MAN2A2: variants seen among roughly 807,000 people sequenced by gnomAD.
MAN2A2 encodes alpha-mannosidase 2x.
MAN2A2 carries 79 observed loss-of-function variants against 126.8 expected under a neutral mutation model. The observed-to-expected ratio is 0.62, with a 90% CI of 0.52 to 0.75. MAN2A2 has a LOEUF of 0.75. Ranked by LOEUF, MAN2A2 falls within the 30% of genes least tolerant of loss-of-function variation. The pLI, the probability that MAN2A2 is intolerant of heterozygous loss-of-function variation, is 0.00. For synonymous variants in MAN2A2, 671 were observed against 618.7 expected, an observed-to-expected ratio of 1.08 and a Z score of -1.25; for missense variants, 1,392 against 1,522.4, an observed-to-expected ratio of 0.91 and a Z score of 1.43.
Position 90,914,929 on chromosome 15 carries a change from A to G in MAN2A2, c.2860+1174A>G, listed in dbSNP as rs916400487. Among the ~76,000 whole-genome samples, 4 of 152,350 alleles carry G rather than the reference A, an allele frequency of 2.6e-5. No individual in the cohort carries two copies. In the South Asian group the frequency reaches 8.3e-4, roughly 32 times the overall value. ...GTGTGGCCCCCATATCCTCAGGGCA[A>G]AACGAACAGTTTGCACTTGGTGGCA... On this transcript the variant is annotated intron_variant, in intron 19 of 22. Transcript: ENST00000559717.
rs767118742 is a variant in MAN2A2, at chr15:90,911,451, TC to T, written c.2014del (p.Arg672AlafsTer242). On this transcript the variant is annotated frameshift_variant, in exon 14 of 23. Transcript: ENST00000559717. LOFTEE classifies it high-confidence loss of function. Reference sequence around the variant, plus strand: ...GCATGGTGTCCCTGCTGGTCAACTCTCCCCGCGTGCGTGTCCTTTCGGAGGA... The same window carrying T: ...GCATGGTGTCCCTGCTGGTCAACTCTCCCGCGTGCGTGTCCTTTCGGAGGA... ...FSMVSLLVNS[P>X]RVRVLSEEGQ... The T allele has an allele frequency of 6.2e-7, 1 of 1,614,168 alleles. No homozygotes were observed. The highest frequency in any genetic ancestry group is 1.1e-5 in the South Asian group (1 of 91,084).
At chr15:90,911,762 T>C in intron 14 of MAN2A2, 1 of 621,588 alleles carries the variant, frequency 1.6e-6, no homozygotes, top group Non-Finnish European at 2.8e-6. Flanking sequence ...ATGGTAATAG[T>C]AATGGTAAAA....
chr15:90,906,877 A>T lies in MAN2A2; in HGVS notation c.973A>T (p.Thr325Ser). The T allele has an allele frequency of 6.2e-7, 1 of 1,614,008 alleles. No individual in the cohort carries two copies. The highest frequency in any genetic ancestry group is 8.5e-7 in the Non-Finnish European group (1 of 1,179,980). ...TGCCATCAAGAAGCACTTTGCTGCC[A>T]CCCACAGCCTAGAGTTCATGTGGAG... ...HYAIKKHFAATHSLEFMWRQT... is the reference protein window; with the variant it reads ...HYAIKKHFAASHSLEFMWRQT... The change falls in exon 7 of 23, where the codon ACC becomes TCC. Residue 325 changes from threonine to serine, a missense_variant. Thr to Ser is a moderately conservative substitution (Grantham distance 58). Coordinates refer to ENST00000559717, the MANE Select transcript of MAN2A2 (RefSeq NM_006122.4).
intron 20 of MAN2A2, chr15:90,917,932 A>G (rs2035312101): frequency 4.4e-6 from 2 of 455,404 alleles, no homozygotes; most frequent in Non-Finnish European, 8.0e-6. Context: ...TGGGTTGCTC[A>G]TGATAGTGTT....
Position 90,910,921 on chromosome 15 carries a change from A to G in MAN2A2, c.1835A>G (p.Glu612Gly), listed in dbSNP as rs1160349320. Reference sequence around the variant, plus strand: ...CACTATCTGGTGCTGGGGGACAAGGAGACCTACCACTTTGACCCTGAGGCG... The same window carrying G: ...CACTATCTGGTGCTGGGGGACAAGGGGACCTACCACTTTGACCCTGAGGCG... ...AAHYLVLGDK[E>G]TYHFDPEAPF... The change falls in exon 12 of 23, where the codon GAG becomes GGG. Residue 612 changes from glutamate to glycine, a missense_variant. Glu to Gly is a moderately conservative substitution (Grantham distance 98). Coordinates refer to ENST00000559717, the MANE Select transcript of MAN2A2 (RefSeq NM_006122.4). 1 of 1,614,148 alleles carries G rather than the reference A, an allele frequency of 6.2e-7. No homozygotes were observed. Among genetic ancestry groups the G allele is most frequent in the Admixed American group, 1.7e-5 (1 of 60,020 alleles).
chr15:90,919,612 T>C (rs2035445952), intron 22 of MAN2A2, 23 bp from the exon 23 acceptor site: 3 of 1,613,038 alleles, frequency 1.9e-6, no homozygotes, highest in Non-Finnish European at 1.7e-6. Context: ...AGCACAACCC[T>C]GCCCCTTCTC....
chr15:90,908,325 CA>C (rs991299635), intron 8 of MAN2A2, among the ~76,000 whole-genome samples: 17 of 152,278 alleles, frequency 1.1e-4, no homozygotes, highest in African/African-American at 3.6e-4. Flanking sequence ...CTCATGAGAA[CA>C]GAGTAGAAAA....
At chr15:90,904,144 C>T (rs1235029954) in intron 1 of MAN2A2, 46 bp from the exon 2 acceptor site, 4 of 1,608,562 alleles carry the variant, frequency 2.5e-6, no homozygotes, top group Non-Finnish European at 3.4e-6. Flanking sequence ...AAGACTGCCA[C>T]GGGCATTTTG....
At position 90,907,621 on chromosome 15, in the gene MAN2A2, C is replaced by T. The variant is rs540909108; in HGVS notation, c.1196+126C>T. The T allele has an allele frequency of 4.8e-6, 4 of 834,944 alleles. No individual in the cohort carries two copies. The East Asian group carries it at 1.1e-4, about 22-fold the overall frequency. The allele number at this position is 834,944 out of a possible 1,614,324, so 51.7% of individuals were successfully genotyped here. On this transcript the variant is annotated intron_variant, in intron 8 of 22. Transcript: ENST00000559717. ...CTCCTAGCCTCTGCAGCAGCAGCTC[C>T]TTACTAAGTCTCCTGAAAAACTGGA...
rs915805126 is a variant in MAN2A2, at chr15:90,905,397, G to C, written c.279G>C (p.Thr93=). Residue 93 remains threonine (T), a synonymous_variant, in exon 3 of 23, where the codon ACG becomes ACC. Transcript: ENST00000559717. ...EGPPAMLPYY[T]VNGSWVVPPE... Reference sequence around the variant, plus strand: ...CGCCCGCCATGCTGCCCTACTACACGGTCAATGGCTCCTGGGTGGTGCCAC... The same window carrying C: ...CGCCCGCCATGCTGCCCTACTACACCGTCAATGGCTCCTGGGTGGTGCCAC... The C allele has an allele frequency of 1.2e-6, 2 of 1,613,764 alleles. No individual in the cohort carries two copies. The highest frequency in any genetic ancestry group is 1.7e-6 in the Non-Finnish European group (2 of 1,180,034).
rs959429536 is a variant in MAN2A2, at chr15:90,922,107, C to G, written c.*2320C>G. ...AGCAGATTTCGCAACCAAAAAATATCGAAAGTCTCTGTGTGATGGAAAACA... is the reference window on the plus strand; with the variant it reads ...AGCAGATTTCGCAACCAAAAAATATGGAAAGTCTCTGTGTGATGGAAAACA... On this transcript the variant is annotated 3_prime_UTR_variant, in exon 23 of 23. Coordinates refer to ENST00000559717, the MANE Select transcript of MAN2A2 (RefSeq NM_006122.4). 6.6e-6 allele frequency: 1 copy of G among 152,068 alleles called. No homozygotes were observed. The highest frequency in any genetic ancestry group is 2.4e-5 in the African/African-American group (1 of 41,400). The allele number at this position is 152,068 out of a possible 1,614,324, so 9.4% of individuals were successfully genotyped here.
At chr15:90,908,270 T>A (rs998810826) in intron 8 of MAN2A2, among the ~76,000 whole-genome samples, 1 of 152,202 alleles carries the variant, frequency 6.6e-6, no homozygotes, top group Non-Finnish European at 1.5e-5. Flanking sequence ...TTTGAAAGGC[T>A]TACTAGACTG....
rs2034962079 is a variant in MAN2A2 at position 90,913,766 on chromosome 15, C to T, written c.2860+11C>T. The stretch of plus-strand genomic sequence containing the variant: ...CTAGCCTCAAAGATGGTGAGTAGGG[C>T]CCAGGAGTTCTGCAGAGGGTATCAG... On this transcript the variant is annotated intron_variant, in intron 19 of 22. Coordinates refer to ENST00000559717, the MANE Select transcript of MAN2A2 (RefSeq NM_006122.4). 2.5e-6 allele frequency: 4 copies of T among 1,581,920 alleles called. No individual in the cohort carries two copies. Among genetic ancestry groups the T allele is most frequent in the Non-Finnish European group, 3.4e-6 (4 of 1,162,890 alleles).
chr15:90,903,813 A>G (rs2034028652), intron 1 of MAN2A2: 1 of 330,480 alleles, frequency 3.0e-6, no homozygotes, highest in Non-Finnish European at 5.9e-6. Flanking sequence ...AAACTTTTAA[A>G]TCAAACAAAA....
chr15:90,919,995 G>C lies in MAN2A2; in HGVS notation c.*208G>C. On this transcript the variant is annotated 3_prime_UTR_variant, in exon 23 of 23. Transcript: ENST00000559717. The stretch of plus-strand genomic sequence containing the variant: ...TGATGGGTAAATAGGGCAGACGCCA[G>C]TGAGATCAGGGAGAGAAGGCCCTTG... The C allele has an allele frequency of 1.7e-6, 1 of 584,818 alleles. No homozygotes were observed. The highest frequency in any genetic ancestry group is 3.0e-5 in the East Asian group (1 of 33,116). 36.2% of individuals were successfully genotyped at this position (584,818 alleles called of 1,614,324 possible).
intron 9 of MAN2A2, 145 bp from the exon 10 acceptor site, chr15:90,909,945 T>G (rs2034594438): frequency 1.4e-6 from 1 of 708,588 alleles, no homozygotes; most frequent in Admixed American, 2.8e-5. Flanking sequence ...CAGGCTCCCC[T>G]ACTTCTGTTA....
Position 90,905,485 on chromosome 15 carries a change from C to G in MAN2A2, c.367C>G (p.Arg123Gly). 1 of 1,613,974 alleles carries G rather than the reference C, an allele frequency of 6.2e-7. No homozygotes were observed. ...GGACTGCCAGTTTGCTTTGGGGGGC[C>G]GGGGTCAGAAGCCAGAGCTGCAGGT... ...PQDCQFALGGRGQKPELQMLT... is the reference protein window; with the variant it reads ...PQDCQFALGGGGQKPELQMLT... The change falls in exon 3 of 23, where the codon CGG becomes GGG. Residue 123 changes from arginine to glycine, a missense_variant. Physicochemically the swap from Arg to Gly is moderately radical, Grantham distance 125 (BLOSUM62 -2). Transcript: ENST00000559717.
chr15:90,916,755 A>G (rs965789442), intron 20 of MAN2A2: 2 of 928,976 alleles, frequency 2.2e-6, no homozygotes, highest in Non-Finnish European at 3.0e-6. Context: ...TCACTCGTGC[A>G]TCAGATAGAT....
In MAN2A2 at chr15:90,918,316, C is replaced by T. The variant is rs1302554583; in HGVS notation, c.3117C>T (p.Arg1039=). The T allele has an allele frequency of 6.2e-7, 1 of 1,614,226 alleles. No individual in the cohort carries two copies. The highest frequency in any genetic ancestry group is 8.5e-7 in the Non-Finnish European group (1 of 1,180,030). The change falls in exon 21 of 23, where the codon CGC becomes CGT. Residue 1039 remains arginine (R), a synonymous_variant. Coordinates refer to ENST00000559717, the MANE Select transcript of MAN2A2 (RefSeq NM_006122.4). ...TGCAGCTCCCAGGCCCTGGTCTGCG[C>T]TCATTTCATCCTCTGGCTTCCTCAC... ...ARMQLPGPGL[R]SFHPLASSLP...
Sources: gnomAD v4.1 joint callset for allele counts (sites outside exome capture counted in the v4.1 genomes callset) on GRCh38, gnomAD v4.1.1 for gene constraint, MANE v1.5 for transcripts, NCBI Gene and HGNC (gene_info 2026-07-23, HGNC 2026-07-21) for gene names.